The following INPP4B variants were observed in gnomAD, a reference collection of about 807,000 sequenced individuals.
INPP4B encodes the protein inositol polyphosphate 4-phosphatase type II.
A neutral mutation model predicts 122.5 loss-of-function variants in INPP4B; 55 were observed. The observed-to-expected ratio is 0.45, with a 90% CI of 0.36 to 0.56. The LOEUF (loss-of-function observed/expected upper bound fraction) is 0.56. INPP4B is among the 20% of genes least tolerant of loss of function. The pLI is 0.00. For synonymous variants in INPP4B, 403 were observed against 388.7 expected, an observed-to-expected ratio of 1.04 and a Z score of -0.43; for missense variants, 1,000 against 1,097.7, an observed-to-expected ratio of 0.91 and a Z score of 1.26.
intron 23 of INPP4B, among the ~76,000 whole-genome samples, chr4:142,097,578 C>T (rs1055409285): frequency 2.0e-5 from 3 of 151,948 alleles, no homozygotes; most frequent in Non-Finnish European, 4.4e-5. Context: ...TTGTCTATGG[C>T]TTATTTTGCC....
chr4:142,529,328 C>CT (rs1203463374), intron 2 of INPP4B, among the ~76,000 whole-genome samples: 1 of 151,920 alleles, frequency 6.6e-6, no homozygotes, highest in Non-Finnish European at 1.5e-5. Flanking sequence ...TATTAAAATA[C>CT]TTTTTTATTT....
At chr4:142,357,698 T>G (rs1174680880) in intron 7 of INPP4B, among the ~76,000 whole-genome samples, 1 of 152,004 alleles carries the variant, frequency 6.6e-6, no homozygotes, top group Non-Finnish European at 1.5e-5. Flanking sequence ...TTTTCTGGCA[T>G]TAGCATTTTA....
chr4:142,770,912 C>T (rs1772954992), intron 1 of INPP4B, among the ~76,000 whole-genome samples: 1 of 152,112 alleles, frequency 6.6e-6, no homozygotes, highest in South Asian at 2.1e-4. Flanking sequence ...GGCAGATTGT[C>T]ACTGAGATGG....
intron 7 of INPP4B, among the ~76,000 whole-genome samples, chr4:142,333,028 C>A (rs13134265): frequency 0.34 from 41,985 of 124,018 alleles, 6,670 homozygotes; most frequent in African/African-American, 0.39. Context: ...AAAAAAAAAA[C>A]AAAAAAAAAA....
At chr4:142,698,679 C>A (rs1761327157) in intron 2 of INPP4B, among the ~76,000 whole-genome samples, 3 of 152,312 alleles carry the variant, frequency 2.0e-5, no homozygotes, top group Admixed American at 1.3e-4. Context: ...CTTTTCCTGG[C>A]AGACCTGAAC....
At chr4:142,466,823 T>C (rs1193004781) in intron 2 of INPP4B, among the ~76,000 whole-genome samples, 2 of 152,146 alleles carry the variant, frequency 1.3e-5, no homozygotes, top group African/African-American at 4.8e-5. Context: ...CGCCTTGGGA[T>C]ATTGCTTTCC....
intron 6 of INPP4B, among the ~76,000 whole-genome samples, chr4:142,404,897 A>AC (rs1470966480): frequency 6.6e-6 from 1 of 151,734 alleles, no homozygotes; most frequent in African/African-American, 2.4e-5. Context: ...TAAAGTGGGA[A>AC]CTTTTTTTTC....
intron 7 of INPP4B, among the ~76,000 whole-genome samples, chr4:142,356,609 T>C (rs1467227256): frequency 6.6e-6 from 1 of 151,936 alleles, no homozygotes; most frequent in African/African-American, 2.4e-5. Context: ...TTTCTGCTCT[T>C]AGTTCCTGGC....
intron 2 of INPP4B, among the ~76,000 whole-genome samples, chr4:142,722,765 A>G (rs1580777416): frequency 6.6e-6 from 1 of 152,166 alleles, no homozygotes; most frequent in South Asian, 2.1e-4. Context: ...TGTATGGTAT[A>G]TATCAGACAT....
chr4:142,423,853 A>G, intron 5 of INPP4B: 1 of 429,850 alleles, frequency 2.3e-6, no homozygotes, highest in Non-Finnish European at 4.6e-6. Flanking sequence ...TTTTTTATGT[A>G]CTTACCACTC....
At chr4:142,051,393 TC>T (rs1754517247) in intron 25 of INPP4B, among the ~76,000 whole-genome samples, 1 of 152,014 alleles carries the variant, frequency 6.6e-6, no homozygotes, top group Non-Finnish European at 1.5e-5. Flanking sequence ...AAAGTTAAGT[TC>T]TTTTATGGTA....
At chr4:142,599,567 A>C (rs1739434530) in intron 2 of INPP4B, among the ~76,000 whole-genome samples, 1 of 152,182 alleles carries the variant, frequency 6.6e-6, no homozygotes, top group Non-Finnish European at 1.5e-5. Flanking sequence ...ATCTAGAAGA[A>C]GCCACTGTTA....
intron 10 of INPP4B, among the ~76,000 whole-genome samples, chr4:142,262,533 C>T (rs578091472): frequency 6.6e-6 from 1 of 152,194 alleles, no homozygotes; most frequent in South Asian, 2.1e-4. Flanking sequence ...GCCTAAGCAC[C>T]ACCTATTCCT....
intron 2 of INPP4B, among the ~76,000 whole-genome samples, chr4:142,626,886 T>C (rs1021475882): frequency 9.9e-5 from 15 of 152,072 alleles, no homozygotes; most frequent in Non-Finnish European, 1.9e-4. Context: ...CATTCTCTGG[T>C]ATATATCACT....
chr4:142,620,138 C>T (rs115292993), intron 2 of INPP4B, among the ~76,000 whole-genome samples: 1,731 of 152,036 alleles, frequency 0.011, 31 homozygotes, highest in African/African-American at 0.039. Context: ...TTCGGCCCAA[C>T]AATTCCAACA....
At chr4:142,673,085 C>G (rs1189402208) in intron 2 of INPP4B, among the ~76,000 whole-genome samples, 1 of 152,102 alleles carries the variant, frequency 6.6e-6, no homozygotes, top group African/African-American at 2.4e-5. Context: ...CTTTTCTAGC[C>G]ACTTATATAC....
At chr4:142,569,259 T>C (rs2150152920) in intron 2 of INPP4B, among the ~76,000 whole-genome samples, 1 of 151,346 alleles carries the variant, frequency 6.6e-6, no homozygotes, top group East Asian at 1.9e-4. Context: ...AGCAAATGAA[T>C]ATGCAAAATA....
At chr4:142,648,581 T>A (rs184460056) in intron 2 of INPP4B, among the ~76,000 whole-genome samples, 1 of 152,266 alleles carries the variant, frequency 6.6e-6, no homozygotes, top group Non-Finnish European at 1.5e-5. Flanking sequence ...TGCAGCAATA[T>A]GAGATGAAAC....
At chr4:142,630,866 G>C (rs1049495072) in intron 2 of INPP4B, among the ~76,000 whole-genome samples, 1 of 152,014 alleles carries the variant, frequency 6.6e-6, no homozygotes, top group African/African-American at 2.4e-5. Flanking sequence ...AAGTAATGTT[G>C]AATTAAAAGT....
Sources: gnomAD v4.1 joint callset for allele counts (sites outside exome capture counted in the v4.1 genomes callset) on GRCh38, gnomAD v4.1.1 for gene constraint, MANE v1.5 for transcripts, NCBI Gene and HGNC (gene_info 2026-07-23, HGNC 2026-07-21) for gene names.